ASTN2: variants seen among roughly 807,000 people sequenced by gnomAD.
ASTN2 encodes the protein astrotactin-2.
A neutral mutation model predicts 139.8 loss-of-function variants in ASTN2; 54 were observed. That is an observed-to-expected ratio of 0.39 (90% CI 0.31 to 0.48). ASTN2 has a LOEUF of 0.48. Ranked by LOEUF, ASTN2 falls within the 20% of genes least tolerant of loss-of-function variation. The pLI, the probability that ASTN2 is intolerant of heterozygous loss-of-function variation, is 0.95. For missense variants in ASTN2, 1,565 were observed against 1,725.1 expected, an observed-to-expected ratio of 0.91 and a Z score of 1.64; for synonymous variants, 756 against 719.5, an observed-to-expected ratio of 1.05 and a Z score of -0.81.
chr9:116,688,249 G>T (rs1260186450), intron 16 of ASTN2, among the ~76,000 whole-genome samples: 1 of 152,078 alleles, frequency 6.6e-6, no homozygotes, highest in Non-Finnish European at 1.5e-5. Flanking sequence ...TTGGAATTTG[G>T]AATTGTAAGA....
At chr9:116,563,449 T>C (rs147184785) in intron 19 of ASTN2, among the ~76,000 whole-genome samples, 1 of 151,962 alleles carries the variant, frequency 6.6e-6, no homozygotes, top group South Asian at 2.1e-4. Flanking sequence ...AGGAAAGAAT[T>C]TGCAATAGAG....
chr9:117,096,217 C>T, intron 4 of ASTN2, 66 bp from the exon 5 acceptor site: 1 of 1,308,314 alleles, frequency 7.6e-7, no homozygotes, highest in Non-Finnish European at 1.1e-6. Flanking sequence ...ATTCCTCAAC[C>T]ATCCCAGAGA....
intron 17 of ASTN2, among the ~76,000 whole-genome samples, chr9:116,632,190 G>A (rs1326681773): frequency 0.06 from 739 of 12,222 alleles, 45 homozygotes; most frequent in East Asian, 0.23. Flanking sequence ...GAGAGGGAGA[G>A]AGAGAGAAAG....
At chr9:116,786,482 TG>T (rs200036687) in intron 13 of ASTN2, among the ~76,000 whole-genome samples, 4,085 of 152,312 alleles carry the variant, frequency 0.027, 79 homozygotes, top group Non-Finnish European at 0.04. Context: ...CAATAGTGTC[TG>T]GTGCAGTGTG....
At chr9:116,990,532 A>G (rs1046149183) in intron 7 of ASTN2, among the ~76,000 whole-genome samples, 6 of 152,012 alleles carry the variant, frequency 3.9e-5, no homozygotes, top group Admixed American at 6.6e-5. Context: ...CAGCCTCCCA[A>G]AGTGTTTGGA....
chr9:116,436,019 CA>C (rs1347972031), intron 22 of ASTN2, among the ~76,000 whole-genome samples: 1 of 152,204 alleles, frequency 6.6e-6, no homozygotes, highest in African/African-American at 2.4e-5. Flanking sequence ...AATGCCACCG[CA>C]ATTGCTGGCT....
rs1421035812 is a variant in ASTN2, at chr9:117,196,288, C to A, written c.1015+18070G>T. Reference sequence around the variant, plus strand: ...AATGACACAATTCATGGCAAGTTCCCAGAAGAGTGGTAGAAATCAGCTGTT... The same window carrying A: ...AATGACACAATTCATGGCAAGTTCCAAGAAGAGTGGTAGAAATCAGCTGTT... On this transcript the variant is annotated intron_variant, in intron 3 of 22. Coordinates refer to ENST00000313400, the MANE Select transcript of ASTN2 (RefSeq NM_001365068.1). 5.9e-5 allele frequency among the ~76,000 whole-genome samples: 9 copies of A among 152,140 alleles called. 1 individual carries two copies. The highest frequency in any genetic ancestry group is 5.9e-4 in the Admixed American group (9 of 15,256).
chr9:116,710,253 C>G (rs995108690), intron 16 of ASTN2, among the ~76,000 whole-genome samples: 1 of 152,178 alleles, frequency 6.6e-6, no homozygotes, highest in Non-Finnish European at 1.5e-5. Flanking sequence ...GAAGCTCCCT[C>G]TGCTCTCCCT....
chr9:116,442,684 A>G, intron 20 of ASTN2, 131 bp from the exon 21 acceptor site: 1 of 734,336 alleles, frequency 1.4e-6, no homozygotes, highest in South Asian at 1.6e-5. Flanking sequence ...AATGATACTT[A>G]TAAAGCATTT....
At chr9:117,159,188 C>A (rs1347454978) in intron 3 of ASTN2, among the ~76,000 whole-genome samples, 1 of 151,934 alleles carries the variant, frequency 6.6e-6, no homozygotes, top group South Asian at 2.1e-4. Context: ...TGACCACTAT[C>A]GCAGGCCTGT....
intron 2 of ASTN2, among the ~76,000 whole-genome samples, chr9:117,264,497 T>G (rs1240148291): frequency 2.6e-5 from 4 of 152,208 alleles, no homozygotes; most frequent in African/African-American, 9.6e-5. Flanking sequence ...AAATGCTTGG[T>G]GTAGTGCCTG....
At position 117,214,360 on chromosome 9, in the gene ASTN2, T is replaced by G. The variant is rs745859137; in HGVS notation, c.1013A>C (p.Lys338Thr). 1 of 1,582,326 alleles carries G rather than the reference T, an allele frequency of 6.3e-7. No individual in the cohort carries two copies. The highest frequency in any genetic ancestry group is 8.7e-7 in the Non-Finnish European group (1 of 1,155,892). The change falls in exon 3 of 23, where the codon AAA becomes ACA. Residue 338 changes from lysine (K) to threonine (T), a missense_variant and splice_region_variant. By Grantham distance (78) the Lys-to-Thr change is moderately conservative (BLOSUM62 -1). This residue lies in a region of ASTN2 where 596 missense variants were observed against 576.8 expected (regional missense o/e 1.03). Coordinates refer to ENST00000313400, the MANE Select transcript of ASTN2 (RefSeq NM_001365068.1). ...PGEEKVDFEK[K>T]AAAEATQETV... ...GGGCTGTGACATGGAGGACTCACCT[T>G]TCTTCTCAAAGTCCACCTTCTCTTC...
chr9:116,973,039 G>A (rs1035396195), intron 10 of ASTN2, among the ~76,000 whole-genome samples: 8 of 152,162 alleles, frequency 5.3e-5, no homozygotes, highest in Non-Finnish European at 1.2e-4. Flanking sequence ...GTCAAACAAG[G>A]TTTATTAGTG....
At chr9:116,784,287 C>T (rs190889674) in intron 13 of ASTN2, among the ~76,000 whole-genome samples, 156 of 152,280 alleles carry the variant, frequency 1.0e-3, no homozygotes, top group Admixed American at 1.4e-3. Flanking sequence ...GCTCTTTAAA[C>T]CTCAAAGTTT....
chr9:116,798,195 C>T (rs983292632), intron 13 of ASTN2, among the ~76,000 whole-genome samples: 3 of 152,198 alleles, frequency 2.0e-5, no homozygotes, highest in Non-Finnish European at 2.9e-5. Flanking sequence ...CAGGTCAGCC[C>T]AGGAGGCATA....
intron 5 of ASTN2, among the ~76,000 whole-genome samples, chr9:117,044,896 T>A (rs1838686796): frequency 6.6e-6 from 1 of 152,198 alleles, no homozygotes; most frequent in Admixed American, 6.5e-5. Context: ...GTCTCCATCA[T>A]TTCCATTTTA....
intron 19 of ASTN2, among the ~76,000 whole-genome samples, chr9:116,507,693 C>G (rs1250095919): frequency 6.6e-6 from 1 of 152,018 alleles, no homozygotes; most frequent in Non-Finnish European, 1.5e-5. Flanking sequence ...TGGCACCTTC[C>G]CACATTGGTA....
At chr9:117,102,955 C>T (rs563891110) in intron 4 of ASTN2, among the ~76,000 whole-genome samples, 3 of 151,546 alleles carry the variant, frequency 2.0e-5, no homozygotes, top group Non-Finnish European at 4.4e-5. Context: ...GTGAGAGAGA[C>T]AGGGAGAGGG....
chr9:116,919,940 CAAAA>C (rs35192686), intron 10 of ASTN2, among the ~76,000 whole-genome samples: 4 of 128,828 alleles, frequency 3.1e-5, no homozygotes, highest in Middle Eastern at 3.5e-3. Flanking sequence ...GAATCTGTCT[CAAAA>C]AAAAAAAAAA....
Sources: gnomAD v4.1 joint callset for allele counts (sites outside exome capture counted in the v4.1 genomes callset) on GRCh38, gnomAD v4.1.1 for gene constraint, gnomAD v4.1.1 regional missense constraint, MANE v1.5 for transcripts, NCBI Gene and HGNC (gene_info 2026-07-23, HGNC 2026-07-21) for gene names.